The following ZNF609 variants were observed in gnomAD, a reference collection of about 807,000 sequenced individuals.
ZNF609 encodes zinc finger protein 609.
A neutral mutation model predicts 109.5 loss-of-function variants in ZNF609; 11 were observed. The observed-to-expected ratio is 0.10, with a 90% CI of 0.06 to 0.17. The LOEUF (loss-of-function observed/expected upper bound fraction) is 0.17. Ranked by LOEUF, ZNF609 falls within the 10% of genes least tolerant of loss-of-function variation. The pLI, the probability that ZNF609 is intolerant of heterozygous loss-of-function variation, is 1.00. For synonymous variants in ZNF609, 646 were observed against 662.0 expected (o/e 0.98, Z 0.37); for missense variants, 1,559 against 1,772.4 (o/e 0.88, Z 2.16).
At chr15:64,568,413 A>G (rs2899698) in intron 2 of ZNF609, among the ~76,000 whole-genome samples, 1 of 152,168 alleles carries the variant, frequency 6.6e-6, no homozygotes, top group South Asian at 2.1e-4. Context: ...ATATTTGGGA[A>G]CCTCTAGAGC....
intron 3 of ZNF609, among the ~76,000 whole-genome samples, chr15:64,660,703 C>T (rs1896563104): frequency 6.6e-6 from 1 of 152,190 alleles, no homozygotes; most frequent in Non-Finnish European, 1.5e-5. Flanking sequence ...ACACTATCCT[C>T]TTTGCTCTTC....
chr15:64,650,044 G>A (rs886943361), intron 3 of ZNF609, among the ~76,000 whole-genome samples: 5 of 151,406 alleles, frequency 3.3e-5, no homozygotes, highest in Admixed American at 3.3e-4. Flanking sequence ...ACTTGGGAAG[G>A]TGAGGCAGGA....
intron 1 of ZNF609, among the ~76,000 whole-genome samples, chr15:64,496,212 A>C (rs1260688674): frequency 6.6e-6 from 1 of 152,260 alleles, no homozygotes; most frequent in Non-Finnish European, 1.5e-5. Context: ...GAGAACTGTC[A>C]GAAGCTCTCA....
rs1156864847 is a variant in ZNF609 at position 64,573,342 on chromosome 15, C to CTTTT, written c.748-49482_748-49481insTTTT. On this transcript the variant is annotated intron_variant, in intron 2 of 9. Coordinates refer to ENST00000326648, the MANE Select transcript of ZNF609 (RefSeq NM_015042.2). ...TTCTGCAGTAGAGTTAGTGGCCCAA[C>CTTTT]TTTCTTTTTTTTTTTTTTTTTTTTT... Among the ~76,000 whole-genome samples, 180 of 53,370 alleles carry CTTTT rather than the reference C, an allele frequency of 3.4e-3. 1 individual carries two copies. Among genetic ancestry groups the CTTTT allele is most frequent in the Non-Finnish European group, 4.8e-3 (118 of 24,708 alleles). The allele number at this position is 53,370 out of a possible 152,430, so 35.0% of individuals were successfully genotyped here. A position where few individuals can be genotyped will look rare whatever the true frequency, so the allele number is the denominator to read the frequency against.
At chr15:64,477,821 G>T (rs2140334945) in intron 1 of ZNF609, among the ~76,000 whole-genome samples, 1 of 152,142 alleles carries the variant, frequency 6.6e-6, no homozygotes, top group Middle Eastern at 3.4e-3. Context: ...TAGAAACGGG[G>T]TTTTACCATG....
At chr15:64,649,525 C>A (rs1896384207) in intron 3 of ZNF609, among the ~76,000 whole-genome samples, 1 of 152,120 alleles carries the variant, frequency 6.6e-6, no homozygotes, top group Admixed American at 6.6e-5. Context: ...CTGAGGAGTT[C>A]CTATTCTTCT....
chr15:64,534,179 T>C (rs1894102743), intron 2 of ZNF609, among the ~76,000 whole-genome samples: 2 of 151,040 alleles, frequency 1.3e-5, no homozygotes, highest in Admixed American at 6.6e-5. Context: ...ACCCGGCTAA[T>C]TTTATATTTT....
intron 2 of ZNF609, among the ~76,000 whole-genome samples, chr15:64,508,231 G>A (rs1210633714): frequency 6.6e-6 from 1 of 152,154 alleles, no homozygotes; most frequent in Non-Finnish European, 1.5e-5. Context: ...TTTGGGGGTT[G>A]GTATTACAAA....
intron 1 of ZNF609, chr15:64,470,297 T>G (rs2140329672): frequency 6.6e-6 from 1 of 152,150 alleles, no homozygotes; most frequent in East Asian, 1.9e-4. Flanking sequence ...ATCCTCCTGC[T>G]TCAGCCTCCC....
At chr15:64,467,522 A>G (rs1780241144) in intron 1 of ZNF609, among the ~76,000 whole-genome samples, 1 of 152,212 alleles carries the variant, frequency 6.6e-6, no homozygotes. Context: ...CATAAATTCT[A>G]GCAGGTGGTA....
chr15:64,661,472 A>G (rs1896575391), intron 3 of ZNF609, among the ~76,000 whole-genome samples: 1 of 152,204 alleles, frequency 6.6e-6, no homozygotes, highest in South Asian at 2.1e-4. Context: ...TACCCTGGTT[A>G]GTTAGGGTGT....
At chr15:64,544,615 A>C (rs983201317) in intron 2 of ZNF609, among the ~76,000 whole-genome samples, 3 of 152,190 alleles carry the variant, frequency 2.0e-5, no homozygotes, top group Admixed American at 1.3e-4. Context: ...ATTTTAGCTG[A>C]TGATGAAGAC....
chr15:64,590,549 C>T (rs538719304), intron 2 of ZNF609, among the ~76,000 whole-genome samples: 1 of 152,008 alleles, frequency 6.6e-6, no homozygotes, highest in Non-Finnish European at 1.5e-5. Flanking sequence ...GAACTCCTGG[C>T]CTCAGATGAT....
At chr15:64,486,034 A>G (rs912861974) in intron 1 of ZNF609, among the ~76,000 whole-genome samples, 1 of 152,172 alleles carries the variant, frequency 6.6e-6, no homozygotes, top group Non-Finnish European at 1.5e-5. Flanking sequence ...AGATACAGAC[A>G]GCTCCATCAC....
chr15:64,532,831 G>C (rs1440890219), intron 2 of ZNF609, among the ~76,000 whole-genome samples: 2 of 152,118 alleles, frequency 1.3e-5, no homozygotes, highest in Non-Finnish European at 2.9e-5. Flanking sequence ...CTTTGAGCTA[G>C]GTGAAAAAGA....
intron 2 of ZNF609, chr15:64,528,740 G>A: frequency 1.0e-6 from 1 of 993,084 alleles, no homozygotes; most frequent in Non-Finnish European, 1.6e-6. Context: ...GTCATACCAG[G>A]AAATTAGCTT....
chr15:64,609,017 G>A (rs184292623), intron 2 of ZNF609, among the ~76,000 whole-genome samples: 20 of 152,024 alleles, frequency 1.3e-4, no homozygotes, highest in Admixed American at 2.6e-4. Context: ...GATGATAGGC[G>A]TGAGTTACCA....
chr15:64,624,202 G>A (rs1002856091), intron 3 of ZNF609, among the ~76,000 whole-genome samples: 3 of 152,124 alleles, frequency 2.0e-5, no homozygotes, highest in African/African-American at 4.8e-5. Flanking sequence ...GAATAACGTC[G>A]CTAATGAGGT....
intron 2 of ZNF609, among the ~76,000 whole-genome samples, chr15:64,549,340 A>C (rs755591363): frequency 6.6e-6 from 1 of 151,970 alleles, no homozygotes; most frequent in Non-Finnish European, 1.5e-5. Context: ...ACAGGTGCAC[A>C]CCACCTCGCC....
Sources: allele counts gnomAD v4.1 joint callset (sites outside exome capture counted in the v4.1 genomes callset), GRCh38; gene constraint gnomAD v4.1.1; transcripts MANE v1.5; gene names NCBI Gene and HGNC (gene_info 2026-07-23, HGNC 2026-07-21).